FOCAD: variants seen among roughly 807,000 people sequenced by gnomAD.
The protein encoded by FOCAD is KIAA1797.
FOCAD carries 198 observed loss-of-function variants against 225.6 expected under a neutral mutation model. The observed-to-expected ratio is 0.88, with a 90% CI of 0.78 to 0.99. The LOEUF (loss-of-function observed/expected upper bound fraction) is 0.99, where lower values mean the gene tolerates loss of function less well. Among genes scored for constraint, FOCAD ranks in the 50% least tolerant of loss-of-function variants. The probability of loss-of-function intolerance (pLI) is 0.00; values close to 1 mark genes in which losing one functional copy is unlikely to be tolerated. For synonymous variants in FOCAD, 897 were observed against 755.0 expected, an observed-to-expected ratio of 1.19 and a Z score of -3.08; for missense variants, 2,713 against 2,123.6, an observed-to-expected ratio of 1.28 and a Z score of -5.46.
chr9:20,787,708 A>C (rs565551463), intron 10 of FOCAD, among the ~76,000 whole-genome samples: 1 of 150,252 alleles, frequency 6.7e-6, no homozygotes, highest in East Asian at 1.9e-4. Flanking sequence ...TTCACTCCCC[A>C]AAACAGAAGA....
chr9:20,859,570 T>G (rs946727303), intron 15 of FOCAD, among the ~76,000 whole-genome samples: 1 of 150,672 alleles, frequency 6.6e-6, no homozygotes, highest in Non-Finnish European at 1.5e-5. Context: ...CTTTTATTAA[T>G]TTTGGAAATT....
At chr9:20,907,080 G>C (rs1163968359) in intron 21 of FOCAD, 70 bp from the exon 22 acceptor site, 14 of 1,235,468 alleles carry the variant, frequency 1.1e-5, no homozygotes, top group Non-Finnish European at 1.5e-5. Context: ...AAGAACTGAT[G>C]AAACAGTTTT....
At position 20,789,387 on chromosome 9, in the gene FOCAD, T is replaced by A. The variant is rs990950808; in HGVS notation, c.1234T>A (p.Tyr412Asn). 2 of 1,614,056 alleles carry A rather than the reference T, an allele frequency of 1.2e-6. No individual in the cohort carries two copies. The highest frequency in any genetic ancestry group is 2.2e-5 in the South Asian group (2 of 91,082). ...GCTTGTGTGCCCTGTAACCAGTATG[T>A]ATGGTACAATATTTACAGCCTGGAG... Reference protein sequence around the residue: ...YKLVCPVTSMYGTIFTAWRIL... With the variant: ...YKLVCPVTSMNGTIFTAWRIL... Residue 412 changes from tyrosine (Y) to asparagine (N), a missense_variant, in exon 11 of 44, where the codon TAT (tyrosine) becomes AAT (asparagine). Transcript: ENST00000338382.
At position 20,745,412 on chromosome 9, in the gene FOCAD, G is replaced by A. The variant is rs1203717132; in HGVS notation, c.392+5072G>A. On this transcript the variant is annotated intron_variant, in intron 5 of 43. Coordinates refer to ENST00000338382, the MANE Select transcript of FOCAD (RefSeq NM_001375567.1). ...GCCTGTTTAAACATTTTCTAATATTGATCGTGCAGGAAGTGGGCAGAGAAT... is the reference window on the plus strand; with the variant it reads ...GCCTGTTTAAACATTTTCTAATATTAATCGTGCAGGAAGTGGGCAGAGAAT... Among the ~76,000 whole-genome samples, 3 of 152,114 alleles carry A rather than the reference G, an allele frequency of 2.0e-5. 1 individual carries two copies. In the South Asian group the frequency reaches 6.2e-4, roughly 31 times the overall value.
chr9:20,946,347 A>G (rs1335617784), intron 29 of FOCAD, among the ~76,000 whole-genome samples: 2 of 152,144 alleles, frequency 1.3e-5, no homozygotes, highest in African/African-American at 4.8e-5. Flanking sequence ...GGTGATGAAA[A>G]TCTGTTTCCT....
chr9:20,864,774 C>T (rs947083930), intron 16 of FOCAD, among the ~76,000 whole-genome samples: 6 of 152,026 alleles, frequency 3.9e-5, no homozygotes, highest in Admixed American at 2.0e-4. Context: ...ATTAAAACTG[C>T]GCTAGGTCTT....
rs964103113 is a variant in FOCAD at position 20,827,638 on chromosome 9, G to A, written c.1920+4523G>A. Among the ~76,000 whole-genome samples, 10 of 151,680 alleles carry A rather than the reference G, an allele frequency of 6.6e-5. 1 individual carries two copies. The highest frequency in any genetic ancestry group is 6.2e-4 in the South Asian group (3 of 4,802). On this transcript the variant is annotated intron_variant, in intron 15 of 43. Transcript: ENST00000338382. ...CTGATAAGTGAAATAAGACAGACAC[G>A]GAAAGAAAAATATTACATAATCTCT...
chr9:20,861,260 A>G (rs1032136830), intron 15 of FOCAD, among the ~76,000 whole-genome samples: 3 of 152,120 alleles, frequency 2.0e-5, no homozygotes, highest in Non-Finnish European at 2.9e-5. Context: ...GAAGGATTAG[A>G]TCATCTTTAT....
At chr9:20,799,042 G>T in intron 11 of FOCAD, among the ~76,000 whole-genome samples, 1 of 152,154 alleles carries the variant, frequency 6.6e-6, no homozygotes, top group Non-Finnish European at 1.5e-5. Context: ...ATTCTGGTAT[G>T]CTGTGTCTTT....
chr9:20,995,728 G>C lies in FOCAD; in HGVS notation c.*99G>C, dbSNP rs1842011761. ...TTCATGCCTGGTATTGCTGAGACATGATGCAGAGAGTTAAGGGTCATGAAA... is the reference window on the plus strand; with the variant it reads ...TTCATGCCTGGTATTGCTGAGACATCATGCAGAGAGTTAAGGGTCATGAAA... On this transcript the variant is annotated 3_prime_UTR_variant, in exon 44 of 44. Coordinates refer to ENST00000338382, the MANE Select transcript of FOCAD (RefSeq NM_001375567.1). 9.4e-7 allele frequency: 1 copy of C among 1,061,762 alleles called. No homozygotes were observed. Among genetic ancestry groups the C allele is most frequent in the Non-Finnish European group, 1.4e-6 (1 of 700,628 alleles). The allele number at this position is 1,061,762 out of a possible 1,614,324, so 65.8% of individuals were successfully genotyped here. A position where few individuals can be genotyped will look rare whatever the true frequency, so the allele number is the denominator to read the frequency against.
intron 42 of FOCAD, among the ~76,000 whole-genome samples, chr9:20,990,667 A>G (rs1841576298): frequency 6.6e-6 from 1 of 152,310 alleles, no homozygotes; most frequent in Non-Finnish European, 1.5e-5. Context: ...TGGGGAGGAA[A>G]GGGTGAGTAT....
chr9:20,787,849 A>G (rs1044908345), intron 10 of FOCAD, among the ~76,000 whole-genome samples: 3 of 152,186 alleles, frequency 2.0e-5, no homozygotes, highest in Middle Eastern at 3.2e-3. Context: ...CTCGAGTCAT[A>G]CTATCTGTAT....
intron 2 of FOCAD, among the ~76,000 whole-genome samples, chr9:20,662,802 G>A (rs140963273): frequency 1.0e-3 from 159 of 152,190 alleles, no homozygotes; most frequent in African/African-American, 3.5e-3. Flanking sequence ...CTCAGAGCCT[G>A]CTTTTGGAAG....
At chr9:20,988,793 A>G (rs1479372692) in intron 41 of FOCAD, among the ~76,000 whole-genome samples, 1 of 152,072 alleles carries the variant, frequency 6.6e-6, no homozygotes, top group African/African-American at 2.4e-5. Context: ...TGTAGCTGGG[A>G]TTGATCCCAT....
At chr9:20,971,408 T>G (rs1839750732) in intron 35 of FOCAD, among the ~76,000 whole-genome samples, 1 of 152,114 alleles carries the variant, frequency 6.6e-6, no homozygotes, top group Admixed American at 6.6e-5. Flanking sequence ...AAGTACACAA[T>G]GTAAAATTTA....
At chr9:20,916,361 A>T (rs575831473) in intron 23 of FOCAD, among the ~76,000 whole-genome samples, 3 of 152,168 alleles carry the variant, frequency 2.0e-5, no homozygotes, top group Non-Finnish European at 4.4e-5. Flanking sequence ...TCCTGTGACT[A>T]TATAACCAAA....
chr9:20,845,273 A>T (rs890540201), intron 15 of FOCAD, among the ~76,000 whole-genome samples: 1 of 152,076 alleles, frequency 6.6e-6, no homozygotes, highest in Non-Finnish European at 1.5e-5. Flanking sequence ...ATTTACCCAT[A>T]TGTCACTATC....
intron 2 of FOCAD, among the ~76,000 whole-genome samples, chr9:20,663,324 T>A (rs904033958): frequency 3.3e-5 from 5 of 152,024 alleles, no homozygotes; most frequent in Non-Finnish European, 7.4e-5. Context: ...TGCACTGCAC[T>A]CCAGCCTGAG....
chr9:20,762,238 T>C (rs2130929524), intron 6 of FOCAD, among the ~76,000 whole-genome samples: 1 of 152,352 alleles, frequency 6.6e-6, no homozygotes, highest in East Asian at 1.9e-4. Context: ...CTGGGAACTT[T>C]CACTTTGTAT....
Sources: allele counts gnomAD v4.1 joint callset (sites outside exome capture counted in the v4.1 genomes callset), GRCh38; gene constraint gnomAD v4.1.1; transcripts MANE v1.5; gene names NCBI Gene and HGNC (gene_info 2026-07-23, HGNC 2026-07-21).